The following COL9A1 variants were observed in gnomAD, a reference collection of about 807,000 sequenced individuals.
COL9A1 encodes collagen type IX alpha 1 chain.
In COL9A1, 104 loss-of-function variants were observed where a neutral mutation model predicts 142.6. The ratio of observed to expected loss-of-function variants is 0.73; its 90% CI spans 0.62 to 0.86. The LOEUF is 0.86. COL9A1 is among the 40% of genes least tolerant of loss of function. COL9A1 has a pLI of 0.00. For missense variants in COL9A1, 1,210 were observed against 1,176.6 expected, an observed-to-expected ratio of 1.03 and a Z score of -0.42; for synonymous variants, 466 against 396.0, an observed-to-expected ratio of 1.18 and a Z score of -2.10.
intron 5 of COL9A1, among the ~76,000 whole-genome samples, chr6:70,290,844 G>T (rs1229827949): frequency 1.3e-5 from 2 of 152,084 alleles, no homozygotes. Flanking sequence ...ATTGCATGAA[G>T]GAAAATGTAA....
At chr6:70,262,303 T>A (rs925010296) in intron 19 of COL9A1, among the ~76,000 whole-genome samples, 1 of 152,174 alleles carries the variant, frequency 6.6e-6, no homozygotes, top group Non-Finnish European at 1.5e-5. Flanking sequence ...CACCACAGAT[T>A]CCCTGAAAGT....
At chr6:70,276,387 A>G (rs1479212738) in intron 10 of COL9A1, among the ~76,000 whole-genome samples, 3 of 152,190 alleles carry the variant, frequency 2.0e-5, no homozygotes, top group African/African-American at 7.2e-5. Context: ...TTCAATTTTC[A>G]TACACACAGT....
At chr6:70,253,057 A>T (rs1771052470) in intron 26 of COL9A1, among the ~76,000 whole-genome samples, 1 of 152,170 alleles carries the variant, frequency 6.6e-6, no homozygotes, top group Non-Finnish European at 1.5e-5. Context: ...TAGCTGAATC[A>T]TCCTAATAAT....
Position 70,232,723 on chromosome 6 carries a change from G to A in COL9A1, c.2363C>T (p.Ala788Val). The change falls in exon 36 of 38, where the codon GCC becomes GTC. Residue 788 changes from alanine (A) to valine (V), a missense_variant. Transcript: ENST00000357250. Reference protein sequence around the residue: ...AASLKRPDSGATGLPGRPGPP... With the variant: ...AASLKRPDSGVTGLPGRPGPP... ...GCCAGGCCTTCCAGGAAGCCCAGTGGCACCTGAGTCTGGACGCTTAAGACT... is the reference window on the plus strand; with the variant it reads ...GCCAGGCCTTCCAGGAAGCCCAGTGACACCTGAGTCTGGACGCTTAAGACT... The A allele has an allele frequency of 1.2e-6, 2 of 1,613,886 alleles. No individual in the cohort carries two copies. The highest frequency in any genetic ancestry group is 8.5e-7 in the Non-Finnish European group (1 of 1,179,980).
intron 29 of COL9A1, 65 bp downstream of exon 29, chr6:70,242,597 C>G: frequency 7.2e-7 from 1 of 1,391,092 alleles, no homozygotes; most frequent in Non-Finnish European, 1.0e-6. Context: ...GTTTTCTCCT[C>G]TTGCTTATTT....
At position 70,216,982 on chromosome 6, in the gene COL9A1, G is replaced by T. The variant is rs1562281705; in HGVS notation, c.2681C>A (p.Pro894His). 1 of 1,614,008 alleles carries T rather than the reference G, an allele frequency of 6.2e-7. No individual in the cohort carries two copies. The highest frequency in any genetic ancestry group is 8.5e-7 in the Non-Finnish European group (1 of 1,180,018). ...CTCACAGAAACCGGGAAGCCCAGGAGGTCCCGGGGGTCCAGGCACTCCAGG... is the reference window on the plus strand; with the variant it reads ...CTCACAGAAACCGGGAAGCCCAGGATGTCCCGGGGGTCCAGGCACTCCAGG... ...GIPGVPGPPG[P>H]PGLPGFCEPA... The change falls in exon 38 of 38, where the codon CCT (proline) becomes CAT (histidine). Residue 894 changes from proline to histidine, a missense_variant. By Grantham distance (77) the Pro-to-His change is moderately conservative (BLOSUM62 -2). Transcript: ENST00000357250.
rs1770974229 is a variant in COL9A1 at position 70,252,001 on chromosome 6, T to G, written c.1872+119A>C. On this transcript the variant is annotated intron_variant, in intron 28 of 37. Coordinates refer to ENST00000357250, the MANE Select transcript of COL9A1 (RefSeq NM_001851.6). ...TAGCATTTCATCTCCTTGTGTGTCT[T>G]GGACTAGCATGGGCTCAAACATCAG... The G allele has an allele frequency of 4.8e-6, 5 of 1,047,160 alleles. No homozygotes were observed. In the East Asian group the frequency reaches 1.2e-4, roughly 25 times the overall value. The allele number at this position is 1,047,160 out of a possible 1,614,324, so 64.9% of individuals were successfully genotyped here. A position where few individuals can be genotyped will look rare whatever the true frequency, so the allele number is the denominator to read the frequency against.
At position 70,234,504 on chromosome 6, in the gene COL9A1, TG is replaced by T. The variant is rs776711658; in HGVS notation, c.2314+34del. 8.5e-5 allele frequency: 137 copies of T among 1,605,736 alleles called. 1 individual carries two copies. The highest frequency in any genetic ancestry group is 3.3e-4 in the Middle Eastern group (2 of 6,074). ...TAAAATCTTAAGAAACAAGAGTTGA[TG>T]GTGGAAAAAGTCAAACCATTGTGAT... is the stretch of plus-strand genomic sequence containing the variant. On this transcript the variant is annotated intron_variant, in intron 35 of 37. Coordinates refer to ENST00000357250, the MANE Select transcript of COL9A1 (RefSeq NM_001851.6).
In COL9A1 at chr6:70,303,064, G is replaced by C. The variant is rs1286370987; in HGVS notation, c.-140C>G. The C allele has an allele frequency of 1.1e-6, 1 of 883,944 alleles. No homozygotes were observed. The highest frequency in any genetic ancestry group is 1.9e-6 in the Non-Finnish European group (1 of 519,516). The allele number at this position is 883,944 out of a possible 1,614,324, so 54.8% of individuals were successfully genotyped here. On this transcript the variant is annotated 5_prime_UTR_variant, in exon 1 of 38. Transcript: ENST00000357250. Reference sequence around the variant, plus strand: ...CCAGCCTTGGTCCCTCCTGCCCCCGGTGAGGGCTAAAAGCAAAGGGAGAGA... The same window carrying C: ...CCAGCCTTGGTCCCTCCTGCCCCCGCTGAGGGCTAAAAGCAAAGGGAGAGA...
rs537541479 is a variant in COL9A1, at chr6:70,246,401, G to A, written c.1873-3686C>T. On this transcript the variant is annotated intron_variant, in intron 28 of 37. Transcript: ENST00000357250. ...AAAAAAAAAAGAAGACAAAGAAGAA[G>A]CAGCCGCCAATCAGGGCTTTGAAAA... is the stretch of plus-strand genomic sequence containing the variant. 1.5e-3 allele frequency: 224 copies of A among 152,148 alleles called. 1 individual carries two copies. The highest frequency in any genetic ancestry group is 5.0e-3 in the African/African-American group (209 of 41,488). The allele number at this position is 152,148 out of a possible 1,614,324, so 9.4% of individuals were successfully genotyped here.
rs1297792477 is a variant in COL9A1 at position 70,228,438 on chromosome 6, T to C, written c.2504-2429A>G. On this transcript the variant is annotated intron_variant, in intron 36 of 37. Coordinates refer to ENST00000357250, the MANE Select transcript of COL9A1 (RefSeq NM_001851.6). ...CCATTATTCCGGTAGTACAGTAGTATATCATTATTCTACTATGCTGTTAGA... is the reference window on the plus strand; with the variant it reads ...CCATTATTCCGGTAGTACAGTAGTACATCATTATTCTACTATGCTGTTAGA... 2.6e-5 allele frequency among the ~76,000 whole-genome samples: 4 copies of C among 152,168 alleles called. No individual in the cohort carries two copies. The East Asian group carries it at 7.7e-4, about 29-fold the overall frequency.
At chr6:70,253,098 A>T (rs1234858419) in intron 26 of COL9A1, among the ~76,000 whole-genome samples, 1 of 152,196 alleles carries the variant, frequency 6.6e-6, no homozygotes, top group Admixed American at 6.5e-5. Flanking sequence ...TGGCTTAATA[A>T]TATCTTCCTT....
chr6:70,277,892 ACCAAGAAAGGACTGTTG>A, intron 10 of COL9A1, among the ~76,000 whole-genome samples: 1 of 152,360 alleles, frequency 6.6e-6, no homozygotes, highest in African/African-American at 2.4e-5. Flanking sequence ...AGGTTCACCT[ACCAAGAAAGGACTGTTG>A]AAGCTCTCCT....
At chr6:70,290,806 T>C (rs1287709911) in intron 5 of COL9A1, among the ~76,000 whole-genome samples, 1 of 152,170 alleles carries the variant, frequency 6.6e-6, no homozygotes, top group African/African-American at 2.4e-5. Context: ...TCAATTAATG[T>C]AGAGTGTCAA....
At chr6:70,236,140 A>AAAT (rs1562293798) in intron 33 of COL9A1, among the ~76,000 whole-genome samples, 3 of 136,696 alleles carry the variant, frequency 2.2e-5, no homozygotes, top group Non-Finnish European at 4.7e-5. Flanking sequence ...AAAAAAAAAA[A>AAAT]ACTTGACCAA....
At chr6:70,245,304 AAAACATAGACT>A (rs1370560869) in intron 28 of COL9A1, among the ~76,000 whole-genome samples, 2 of 152,250 alleles carry the variant, frequency 1.3e-5, no homozygotes, top group South Asian at 4.1e-4. Context: ...GTTATCTCTG[AAAACATAGACT>A]AAACACATTC....
intron 6 of COL9A1, chr6:70,283,322 C>A (rs1031920539): frequency 4.1e-6 from 5 of 1,208,368 alleles, no homozygotes; most frequent in Non-Finnish European, 5.6e-6. Flanking sequence ...TCCCTGCCGC[C>A]GCACAGGCGA....
Position 70,252,328 on chromosome 6 carries a change from T to C in COL9A1, c.1765-13A>G. ...CACCTGTGCTACCCTAAGGGTAAAATGCAACATCCAAAATAACTCATGCTG... is the reference window on the plus strand; with the variant it reads ...CACCTGTGCTACCCTAAGGGTAAAACGCAACATCCAAAATAACTCATGCTG... On this transcript the variant is annotated splice_polypyrimidine_tract_variant and intron_variant, in intron 26 of 37. Coordinates refer to ENST00000357250, the MANE Select transcript of COL9A1 (RefSeq NM_001851.6). 6.2e-7 allele frequency: 1 copy of C among 1,613,458 alleles called. No individual in the cohort carries two copies. Among genetic ancestry groups the C allele is most frequent in the South Asian group, 1.1e-5 (1 of 91,068 alleles).
intron 31 of COL9A1, among the ~76,000 whole-genome samples, chr6:70,241,129 C>G (rs542278807): frequency 6.6e-6 from 1 of 152,286 alleles, no homozygotes; most frequent in East Asian, 1.9e-4. Context: ...GTGGAAGGCT[C>G]CATTGGATAT....
Sources: allele counts gnomAD v4.1 joint callset (sites outside exome capture counted in the v4.1 genomes callset), GRCh38; gene constraint gnomAD v4.1.1; transcripts MANE v1.5; gene names NCBI Gene and HGNC (gene_info 2026-07-23, HGNC 2026-07-21).